Variants in PEAK1 observed in about 807,000 individuals in gnomAD.
PEAK1 encodes the protein pseudopodium enriched atypical kinase 1.
In PEAK1, 54 loss-of-function variants were observed where a neutral mutation model predicts 124.7. That is an observed-to-expected ratio of 0.43 (90% CI 0.35 to 0.54). The LOEUF (loss-of-function observed/expected upper bound fraction) is 0.54, where lower values mean the gene tolerates loss of function less well. Among genes scored for constraint, PEAK1 ranks in the 20% least tolerant of loss-of-function variants. The pLI is 0.01. For missense variants in PEAK1, 2,046 were observed against 2,134.5 expected (o/e 0.96, Z 0.82); for synonymous variants, 719 against 760.0 (o/e 0.95, Z 0.89).
At chr15:77,415,147 C>CT (rs1567375204) in intron 1 of PEAK1, among the ~76,000 whole-genome samples, 2 of 152,202 alleles carry the variant, frequency 1.3e-5, no homozygotes, top group African/African-American at 2.4e-5. Context: ...AAATCAACCA[C>CT]GAAAATTGGT....
chr15:77,379,016 A>C (rs980661667), intron 1 of PEAK1, among the ~76,000 whole-genome samples: 1 of 152,210 alleles, frequency 6.6e-6, no homozygotes, highest in Non-Finnish European at 1.5e-5. Context: ...TTTGTTTTTA[A>C]AGAGCTATAT....
intron 7 of PEAK1, among the ~76,000 whole-genome samples, chr15:77,170,840 T>G (rs901450794): frequency 2.0e-5 from 3 of 152,182 alleles, no homozygotes; most frequent in Non-Finnish European, 4.4e-5. Context: ...GCTGGCATTC[T>G]TCCCACTGTG....
chr15:77,386,982 AT>A (rs914552994), intron 1 of PEAK1, among the ~76,000 whole-genome samples: 21 of 152,160 alleles, frequency 1.4e-4, no homozygotes, highest in African/African-American at 5.1e-4. Flanking sequence ...TAAAAAAAAA[AT>A]CTATTTAAAC....
intron 1 of PEAK1, among the ~76,000 whole-genome samples, chr15:77,392,757 C>T (rs1391820770): frequency 1.3e-5 from 2 of 152,224 alleles, no homozygotes; most frequent in Non-Finnish European, 1.5e-5. Context: ...CCACACCAAT[C>T]GTCCTCCCTG....
At chr15:77,365,881 C>T (rs2068201272) in intron 1 of PEAK1, among the ~76,000 whole-genome samples, 2 of 151,886 alleles carry the variant, frequency 1.3e-5, no homozygotes, top group Admixed American at 6.6e-5. Flanking sequence ...ATTGCCCATC[C>T]TCATAGAAAA....
At chr15:77,313,585 G>A (rs889871680) in intron 2 of PEAK1, among the ~76,000 whole-genome samples, 1 of 150,560 alleles carries the variant, frequency 6.6e-6, no homozygotes, top group Non-Finnish European at 1.5e-5. Flanking sequence ...TCCTGCCTCA[G>A]CCTCCTGAGT....
chr15:77,272,136 A>C (rs1326915417), intron 5 of PEAK1, among the ~76,000 whole-genome samples: 1 of 152,198 alleles, frequency 6.6e-6, no homozygotes, highest in East Asian at 1.9e-4. Context: ...GGAAATTCAT[A>C]GCATTAAATG....
Position 77,205,715 on chromosome 15 carries a change from G to A in PEAK1, c.-114-23675C>T, listed in dbSNP as rs114004462. On this transcript the variant is annotated intron_variant, in intron 6 of 9. Coordinates refer to ENST00000682557, the MANE Select transcript of PEAK1 (RefSeq NM_001385026.1). Reference sequence around the variant, plus strand: ...GTGAATTGGTAGGATGTATGTAACAGCTTATGAACATGTGAAGATGCTTGA... The same window carrying A: ...GTGAATTGGTAGGATGTATGTAACAACTTATGAACATGTGAAGATGCTTGA... 4.5e-3 allele frequency among the ~76,000 whole-genome samples: 684 copies of A among 152,280 alleles called. 5 individuals carry two copies. Among genetic ancestry groups the A allele is most frequent in the African/African-American group, 0.016 (655 of 41,562 alleles).
chr15:77,212,845 T>C (rs963308983), intron 6 of PEAK1, among the ~76,000 whole-genome samples: 4 of 152,240 alleles, frequency 2.6e-5, no homozygotes, highest in African/African-American at 7.2e-5. Context: ...AGAGCATTTC[T>C]AGCTCTTTTA....
chr15:77,346,465 T>C, intron 2 of PEAK1: 6 of 985,414 alleles, frequency 6.1e-6, no homozygotes, highest in Non-Finnish European at 7.2e-6. Flanking sequence ...CAAGCAGGAC[T>C]GAAGCAGCTG....
At chr15:77,185,255 A>G (rs1017025879) in intron 6 of PEAK1, among the ~76,000 whole-genome samples, 1 of 152,228 alleles carries the variant, frequency 6.6e-6, no homozygotes, top group Admixed American at 6.5e-5. Context: ...CCTGCATACA[A>G]GACAGTATAT....
chr15:77,342,838 C>A (rs1045329456), intron 2 of PEAK1, among the ~76,000 whole-genome samples: 1 of 152,122 alleles, frequency 6.6e-6, no homozygotes, highest in African/African-American at 2.4e-5. Context: ...GTATATACCT[C>A]ATTTTGTTTA....
downstream of PEAK1, chr15:77,104,485 G>C (rs1044469259): frequency 5.9e-5 from 9 of 152,402 alleles, no homozygotes; most frequent in Non-Finnish European, 1.0e-4. Context: ...TGGCTGAATG[G>C]GGCCCTGAAG....
chr15:77,329,015 C>T (rs755186725), intron 2 of PEAK1, among the ~76,000 whole-genome samples: 3 of 152,250 alleles, frequency 2.0e-5, no homozygotes, highest in Admixed American at 1.3e-4. Context: ...TATTACATTT[C>T]GTTAGAATCT....
chr15:77,333,011 T>C, intron 2 of PEAK1: 1 of 927,530 alleles, frequency 1.1e-6, no homozygotes, highest in Non-Finnish European at 1.3e-6. Flanking sequence ...TCTTATTGAC[T>C]TATAAGTGCT....
chr15:77,257,092 C>T lies in PEAK1; in HGVS notation c.-274-4566G>A, dbSNP rs145147656. On this transcript the variant is annotated intron_variant, in intron 5 of 9. Transcript: ENST00000682557. ...TATGGCTGCATAGTATTCCATGGTG[C>T]ATACGTGTCACATTTTCTTAATCCA... 7.4e-3 allele frequency among the ~76,000 whole-genome samples: 1,129 copies of T among 152,180 alleles called. 16 individuals carry two copies. The highest frequency in any genetic ancestry group is 0.026 in the African/African-American group (1,064 of 41,500).
chr15:77,393,992 A>G (rs1268906486), intron 1 of PEAK1, among the ~76,000 whole-genome samples: 1 of 152,088 alleles, frequency 6.6e-6, no homozygotes, highest in African/African-American at 2.4e-5. Context: ...GCCAGGCAGT[A>G]CTCACCACGG....
chr15:77,129,238 GGAACCAT>G (rs1370489195), intron 9 of PEAK1, among the ~76,000 whole-genome samples: 2 of 152,116 alleles, frequency 1.3e-5, no homozygotes, highest in Non-Finnish European at 2.9e-5. Flanking sequence ...CAAATAAGTT[GGAACCAT>G]GAACTTGAAT....
At chr15:77,173,239 T>C (rs2056630625) in intron 7 of PEAK1, among the ~76,000 whole-genome samples, 1 of 152,190 alleles carries the variant, frequency 6.6e-6, no homozygotes, top group African/African-American at 2.4e-5. Context: ...ATTATAAAAA[T>C]AGTAACGTTG....
Sources: allele counts gnomAD v4.1 joint callset (sites outside exome capture counted in the v4.1 genomes callset), GRCh38; gene constraint gnomAD v4.1.1; transcripts MANE v1.5; gene names NCBI Gene and HGNC (gene_info 2026-07-23, HGNC 2026-07-21).